The following DCDC2 variants were observed in gnomAD, a reference collection of about 807,000 sequenced individuals.
DCDC2 encodes doublecortin domain containing 2, also known as doublecortin domain-containing protein 2.
Under a neutral mutation model 50.2 loss-of-function variants are expected in DCDC2, and 40 were observed. The observed-to-expected ratio is 0.80, with a 90% CI of 0.62 to 1.04. The LOEUF is 1.04. Among genes scored for constraint, DCDC2 ranks in the 50% least tolerant of loss-of-function variants. The pLI is 0.00. For synonymous variants in DCDC2, 234 were observed against 210.6 expected, an observed-to-expected ratio of 1.11 and a Z score of -0.96; for missense variants, 570 against 581.9, an observed-to-expected ratio of 0.98 and a Z score of 0.21.
intron 8 of DCDC2, among the ~76,000 whole-genome samples, chr6:24,194,015 T>A (rs77956487): frequency 6.6e-6 from 1 of 152,104 alleles, no homozygotes; most frequent in East Asian, 1.9e-4. Flanking sequence ...AAATCATTTT[T>A]AAAATAATTT....
At chr6:24,218,226 G>T (rs1685624616) in intron 7 of DCDC2, among the ~76,000 whole-genome samples, 1 of 152,236 alleles carries the variant, frequency 6.6e-6, no homozygotes, top group Admixed American at 6.5e-5. Context: ...CTCAATTAAT[G>T]ATAGGAAATA....
chr6:24,246,479 C>CTTTTTCT (rs1762675164), intron 7 of DCDC2, among the ~76,000 whole-genome samples: 3 of 70,784 alleles, frequency 4.2e-5, no homozygotes, highest in Admixed American at 5.0e-4. Context: ...TTTTCTTTTT[C>CTTTTTCT]TTTTTTTTTT....
intron 7 of DCDC2, among the ~76,000 whole-genome samples, chr6:24,270,765 C>T (rs1033113340): frequency 6.6e-6 from 1 of 152,200 alleles, no homozygotes; most frequent in African/African-American, 2.4e-5. Flanking sequence ...ACCTCCCTAA[C>T]CAAGCCCCCA....
chr6:24,230,550 G>A (rs996017130), intron 7 of DCDC2, among the ~76,000 whole-genome samples: 9 of 152,156 alleles, frequency 5.9e-5, no homozygotes, highest in Non-Finnish European at 1.0e-4. Flanking sequence ...AGGCTGAGGT[G>A]CAAGGATTGC....
the DCDC2 span, among the ~76,000 whole-genome samples, chr6:24,371,232 G>A: frequency 2.1e-5 from 3 of 142,078 alleles, no homozygotes; most frequent in Admixed American, 1.5e-4. Context: ...AGCCGAGATC[G>A]CGCCATTGCA....
chr6:24,271,014 G>C (rs1289977981), intron 7 of DCDC2, among the ~76,000 whole-genome samples: 2 of 151,976 alleles, frequency 1.3e-5, no homozygotes, highest in East Asian at 3.9e-4. Context: ...TTGAGCTTAG[G>C]AGTTTGAGAC....
In DCDC2 at chr6:24,206,910, A is replaced by C. The variant is rs73726619; in HGVS notation, c.923-1808T>G. 1.4e-3 allele frequency among the ~76,000 whole-genome samples: 211 copies of C among 152,274 alleles called. 1 individual carries two copies. Among genetic ancestry groups the C allele is most frequent in the African/African-American group, 4.9e-3 (203 of 41,552 alleles). On this transcript the variant is annotated intron_variant, in intron 7 of 9. Coordinates refer to ENST00000378454, the MANE Select transcript of DCDC2 (RefSeq NM_016356.5). ...GGGAGGATGTGTTTATCAGTGAACC[A>C]AAATGTTTAAGCCATTGCCATTAAC...
intron 8 of DCDC2, among the ~76,000 whole-genome samples, chr6:24,193,015 G>C (rs1456684178): frequency 6.6e-6 from 1 of 151,900 alleles, no homozygotes; most frequent in Non-Finnish European, 1.5e-5. Context: ...AAAGGAAAAA[G>C]GGTTACATTT....
In DCDC2 at chr6:24,198,626, C is replaced by A. The variant is rs144477502; in HGVS notation, c.1023+6376G>T. On this transcript the variant is annotated intron_variant, in intron 8 of 9. Transcript: ENST00000378454. The stretch of plus-strand genomic sequence containing the variant: ...AGCTACAGTTTTTTTTTTTTCATAC[C>A]CCAGTGGTGCCTGGAATGCCAGTGA... 2.1e-3 allele frequency among the ~76,000 whole-genome samples: 313 copies of A among 151,956 alleles called. 1 individual carries two copies. The highest frequency in any genetic ancestry group is 6.8e-3 in the African/African-American group (280 of 41,446).
At chr6:24,205,582 T>G (rs972025554) in intron 7 of DCDC2, among the ~76,000 whole-genome samples, 1 of 152,114 alleles carries the variant, frequency 6.6e-6, no homozygotes, top group African/African-American at 2.4e-5. Context: ...ATGTTTTTAC[T>G]GCAGCCAAAT....
At chr6:24,177,386 T>C (rs1463793799) in intron 9 of DCDC2, among the ~76,000 whole-genome samples, 1 of 152,224 alleles carries the variant, frequency 6.6e-6, no homozygotes, top group African/African-American at 2.4e-5. Flanking sequence ...CCGCTAAACT[T>C]GCTTTCCCTA....
intron 2 of DCDC2, among the ~76,000 whole-genome samples, chr6:24,322,093 A>G (rs1450751146): frequency 1.3e-5 from 2 of 151,878 alleles, no homozygotes; most frequent in Non-Finnish European, 2.9e-5. Flanking sequence ...TTTCTCTACT[A>G]CCTTTTGTGG....
intron 7 of DCDC2, among the ~76,000 whole-genome samples, chr6:24,262,696 G>A (rs1763036961): frequency 6.6e-6 from 1 of 152,118 alleles, no homozygotes. Flanking sequence ...GTGCCAGGCA[G>A]AGCCCTGATG....
chr6:24,193,048 C>T (rs931344557), intron 8 of DCDC2, among the ~76,000 whole-genome samples: 2 of 152,000 alleles, frequency 1.3e-5, no homozygotes, highest in African/African-American at 2.4e-5. Flanking sequence ...TGCCAAACTT[C>T]TCAACTACCA....
At chr6:24,220,879 A>AGAGCGAGCGAGGGAGCGAGC (rs111880904) in intron 7 of DCDC2, among the ~76,000 whole-genome samples, 1 of 106,978 alleles carries the variant, frequency 9.3e-6, no homozygotes, top group South Asian at 3.1e-4. Context: ...CAAGAGAGCG[A>AGAGCGAGCGAGGGAGCGAGC]GAGCGAGAGA....
the DCDC2 span, among the ~76,000 whole-genome samples, chr6:24,366,698 T>C: frequency 6.6e-6 from 1 of 152,226 alleles, no homozygotes; most frequent in African/African-American, 2.4e-5. Context: ...TTATGGAGTA[T>C]ATATGCTCAT....
rs139978424 is a variant in DCDC2 at position 24,208,968 on chromosome 6, G to A, written c.923-3866C>T. On this transcript the variant is annotated intron_variant, in intron 7 of 9. Coordinates refer to ENST00000378454, the MANE Select transcript of DCDC2 (RefSeq NM_016356.5). ...TACACTTCATCCAGGGCCAAGATCC[G>A]TGGGCCAATGTGAGTGTTCAAAAGT... 2.6e-3 allele frequency among the ~76,000 whole-genome samples: 401 copies of A among 152,300 alleles called. 1 individual carries two copies. Among genetic ancestry groups the A allele is most frequent in the African/African-American group, 9.2e-3 (384 of 41,558 alleles).
intron 7 of DCDC2, among the ~76,000 whole-genome samples, chr6:24,254,803 AT>A (rs1441936497): frequency 1.4e-5 from 2 of 145,604 alleles, no homozygotes; most frequent in Non-Finnish European, 3.0e-5. Flanking sequence ...TTAGTTTGAT[AT>A]CCCAAAAATC....
upstream of DCDC2, among the ~76,000 whole-genome samples, chr6:24,360,359 C>CTAG: frequency 6.6e-6 from 1 of 152,292 alleles, no homozygotes; most frequent in African/African-American, 2.4e-5. Flanking sequence ...AGGCCCTGTG[C>CTAG]TAGTTGGGGC....
Sources: allele counts gnomAD v4.1 joint callset (sites outside exome capture counted in the v4.1 genomes callset), GRCh38; gene constraint gnomAD v4.1.1; transcripts MANE v1.5; gene names NCBI Gene and HGNC (gene_info 2026-07-23, HGNC 2026-07-21).